LRRC7: variants seen among roughly 807,000 people sequenced by gnomAD.
The protein encoded by LRRC7 is leucine rich repeat containing 7.
A neutral mutation model predicts 175.7 loss-of-function variants in LRRC7; 23 were observed. That is an observed-to-expected ratio of 0.13 (90% CI 0.09 to 0.19). The LOEUF is 0.19. LRRC7 is among the 10% of genes least tolerant of loss of function. LRRC7 has a pLI of 1.00. For missense variants in LRRC7, 1,354 were observed against 1,904.7 expected (o/e 0.71, Z 5.38); for synonymous variants, 685 against 680.9 (o/e 1.01, Z -0.09).
intron 8 of LRRC7, among the ~76,000 whole-genome samples, chr1:69,958,154 A>T (rs1025131575): frequency 2.6e-5 from 4 of 152,092 alleles, no homozygotes; most frequent in African/African-American, 9.6e-5. Flanking sequence ...AAATATTTGC[A>T]GCCATAAAAT....
chr1:69,771,985 G>A (rs1415196851), intron 3 of LRRC7, among the ~76,000 whole-genome samples: 1 of 152,078 alleles, frequency 6.6e-6, no homozygotes, highest in East Asian at 1.9e-4. Flanking sequence ...AGCCAGGCAT[G>A]ATGGCGGTGC....
At chr1:69,817,399 A>G (rs1463293239) in intron 4 of LRRC7, among the ~76,000 whole-genome samples, 1 of 151,868 alleles carries the variant, frequency 6.6e-6, no homozygotes, top group Admixed American at 6.6e-5. Flanking sequence ...GACTATCCCC[A>G]TTGTGTTTTT....
At chr1:70,063,589 T>G (rs925312631) in intron 23 of LRRC7, among the ~76,000 whole-genome samples, 3 of 152,070 alleles carry the variant, frequency 2.0e-5, no homozygotes, top group African/African-American at 7.2e-5. Context: ...GATAGAGATG[T>G]CAAAATGATA....
chr1:69,657,506 A>G (rs1656823157), intron 1 of LRRC7, among the ~76,000 whole-genome samples: 1 of 151,888 alleles, frequency 6.6e-6, no homozygotes, highest in Admixed American at 6.6e-5. Context: ...CTCTTCATCC[A>G]GGTGCTATGT....
intron 1 of LRRC7, chr1:69,607,045 G>A (rs1647706913): frequency 6.6e-6 from 1 of 152,070 alleles, no homozygotes; most frequent in Non-Finnish European, 1.5e-5. Flanking sequence ...AGACATTGGT[G>A]ATACTCTTCA....
intron 1 of LRRC7, among the ~76,000 whole-genome samples, chr1:69,604,270 A>G (rs963334946): frequency 6.6e-6 from 1 of 152,150 alleles, no homozygotes; most frequent in Non-Finnish European, 1.5e-5. Flanking sequence ...GTCATTCCAT[A>G]TTCTATCCTA....
intron 7 of LRRC7, among the ~76,000 whole-genome samples, chr1:69,865,130 G>A (rs1465994233): frequency 1.3e-5 from 2 of 152,084 alleles, no homozygotes; most frequent in African/African-American, 4.8e-5. Flanking sequence ...CACCCTACCC[G>A]CAATGAACCT....
At chr1:69,681,826 C>G (rs1356638596) in intron 2 of LRRC7, among the ~76,000 whole-genome samples, 1 of 152,122 alleles carries the variant, frequency 6.6e-6, no homozygotes, top group Non-Finnish European at 1.5e-5. Flanking sequence ...ACTGAAACAG[C>G]TTTTGTTCAG....
chr1:70,057,064 A>G (rs1369781784), intron 23 of LRRC7, among the ~76,000 whole-genome samples: 1 of 152,184 alleles, frequency 6.6e-6, no homozygotes, highest in Non-Finnish European at 1.5e-5. Flanking sequence ...AACTCAAGAA[A>G]GAAGTAATGT....
In LRRC7 at chr1:69,868,818, C is replaced by G. The variant is rs1275473521; in HGVS notation, c.647+30535C>G. ...GCAAGGTTGGTTTCTTCTGAAGGCG[C>G]TCTCCTTGGCTTGTGAATGGCCATC... On this transcript the variant is annotated intron_variant, in intron 7 of 26. Coordinates refer to ENST00000651989, the MANE Select transcript of LRRC7 (RefSeq NM_001370785.2). 2.0e-5 allele frequency among the ~76,000 whole-genome samples: 3 copies of G among 152,016 alleles called. No homozygotes were observed. In the South Asian group the frequency reaches 6.2e-4, roughly 32 times the overall value.
intron 1 of LRRC7, among the ~76,000 whole-genome samples, chr1:69,610,932 C>T (rs1412082790): frequency 6.6e-6 from 1 of 151,926 alleles, no homozygotes; most frequent in African/African-American, 2.4e-5. Flanking sequence ...TTATTAAACA[C>T]ACTTAGGCAA....
intron 4 of LRRC7, among the ~76,000 whole-genome samples, chr1:69,800,057 G>A (rs1488414924): frequency 2.0e-5 from 3 of 151,920 alleles, no homozygotes; most frequent in African/African-American, 7.2e-5. Flanking sequence ...GCAAAGATAT[G>A]TCACATTATC....
chr1:70,127,259 A>C lies in LRRC7; in HGVS notation c.*5372A>C, dbSNP rs998699043. ...CTCTAAGCCTCTCAGCTTCTTACTG[A>C]GACAGGTTCCAATCTTCCTTACTTT... is the stretch of plus-strand genomic sequence containing the variant. On this transcript the variant is annotated 3_prime_UTR_variant, in exon 27 of 27. Coordinates refer to ENST00000651989, the MANE Select transcript of LRRC7 (RefSeq NM_001370785.2). Among the ~76,000 whole-genome samples, 1 of 152,214 alleles carries C rather than the reference A, an allele frequency of 6.6e-6. No homozygotes were observed. Among genetic ancestry groups the C allele is most frequent in the African/African-American group, 2.4e-5 (1 of 41,462 alleles).
intron 7 of LRRC7, among the ~76,000 whole-genome samples, chr1:69,929,162 A>G (rs567963291): frequency 2.0e-5 from 3 of 152,280 alleles, no homozygotes; most frequent in East Asian, 1.9e-4. Flanking sequence ...TTATAGGTAA[A>G]TGCACAAACT....
At chr1:70,092,983 T>G (rs1257202105) in intron 25 of LRRC7, among the ~76,000 whole-genome samples, 1 of 152,140 alleles carries the variant, frequency 6.6e-6, no homozygotes, top group Non-Finnish European at 1.5e-5. Context: ...GTTGATATTG[T>G]CAAAACAATG....
At chr1:69,854,111 C>A (rs951875943) in intron 7 of LRRC7, among the ~76,000 whole-genome samples, 4 of 152,098 alleles carry the variant, frequency 2.6e-5, no homozygotes, top group East Asian at 3.8e-4. Context: ...TCTAAAATTT[C>A]TTTTCTTGTT....
intron 7 of LRRC7, among the ~76,000 whole-genome samples, chr1:69,913,339 TACAA>T (rs1646588650): frequency 6.6e-6 from 1 of 152,202 alleles, no homozygotes; most frequent in Admixed American, 6.5e-5. Flanking sequence ...TGCTGAAAAG[TACAA>T]ACAATCACAG....
chr1:69,923,676 G>A (rs1646964708), intron 7 of LRRC7, among the ~76,000 whole-genome samples: 1 of 152,034 alleles, frequency 6.6e-6, no homozygotes. Context: ...AAATTTGTTT[G>A]AGTTCATTGT....
chr1:69,898,699 T>A (rs575242387), intron 7 of LRRC7, among the ~76,000 whole-genome samples: 1 of 147,624 alleles, frequency 6.8e-6, no homozygotes, highest in South Asian at 2.2e-4. Flanking sequence ...GCTCAAATGA[T>A]AATCAATTCT....
Sources: gnomAD v4.1 joint callset for allele counts (sites outside exome capture counted in the v4.1 genomes callset) on GRCh38, gnomAD v4.1.1 for gene constraint, MANE v1.5 for transcripts, NCBI Gene and HGNC (gene_info 2026-07-23, HGNC 2026-07-21) for gene names.